BMPER: variants seen among roughly 807,000 people sequenced by gnomAD.
BMPER encodes the protein BMP binding endothelial regulator, also known as BMP-binding endothelial regulator protein.
Under a neutral mutation model 87.3 loss-of-function variants are expected in BMPER, and 45 were observed. The ratio of observed to expected loss-of-function variants is 0.52; its 90% CI spans 0.41 to 0.66. The LOEUF is 0.66. Among genes scored for constraint, BMPER ranks in the 30% least tolerant of loss-of-function variants. The pLI is 0.00. For synonymous variants in BMPER, 326 were observed against 316.2 expected (o/e 1.03, Z -0.33); for missense variants, 784 against 867.5 (o/e 0.90, Z 1.21).
chr7:33,968,887 A>C (rs1785468461), intron 4 of BMPER, among the ~76,000 whole-genome samples: 1 of 152,266 alleles, frequency 6.6e-6, no homozygotes. Flanking sequence ...GCTGGGAACT[A>C]ACCTGAATCC....
chr7:34,118,202 GGCTAA>G (rs889678737), intron 13 of BMPER, among the ~76,000 whole-genome samples: 2 of 152,062 alleles, frequency 1.3e-5, no homozygotes, highest in African/African-American at 4.8e-5. Flanking sequence ...CTACTCAGGA[GGCTAA>G]GGCAGGAGAA....
intron 13 of BMPER, among the ~76,000 whole-genome samples, chr7:34,133,945 C>A (rs151000963): frequency 4.9e-4 from 74 of 152,176 alleles, no homozygotes; most frequent in African/African-American, 1.7e-3. Flanking sequence ...CTCTCTTGTA[C>A]TTGAGATTCT....
intron 11 of BMPER, among the ~76,000 whole-genome samples, chr7:34,065,519 TGA>T (rs1585794808): frequency 6.6e-6 from 1 of 152,090 alleles, no homozygotes; most frequent in African/African-American, 2.4e-5. Flanking sequence ...ACAGCATGGG[TGA>T]ATGCAGACAT....
chr7:33,920,609 A>G (rs1784205246), intron 2 of BMPER, among the ~76,000 whole-genome samples: 2 of 151,764 alleles, frequency 1.3e-5, no homozygotes, highest in South Asian at 4.2e-4. Context: ...TATTTTTAGT[A>G]GAGATGGGGT....
At position 33,936,141 on chromosome 7, in the gene BMPER, A is replaced by G. The variant is rs187596433; in HGVS notation, c.220-1148A>G. The stretch of plus-strand genomic sequence containing the variant: ...CTTCTTAGTCTCATGACATGGAGGC[A>G]TACTGGGTACACTTGAGAATTTTCT... On this transcript the variant is annotated intron_variant, in intron 2 of 14. Coordinates refer to ENST00000649409, the MANE Select transcript of BMPER (RefSeq NM_001365308.1). 5.9e-3 allele frequency among the ~76,000 whole-genome samples: 896 copies of G among 152,292 alleles called. 8 individuals carry two copies. The highest frequency in any genetic ancestry group is 9.8e-3 in the Non-Finnish European group (669 of 68,026).
intron 3 of BMPER, among the ~76,000 whole-genome samples, chr7:33,945,128 A>G (rs144302910): frequency 0.018 from 2,731 of 151,812 alleles, 36 homozygotes; most frequent in Non-Finnish European, 0.029. Flanking sequence ...TTTTTAGTAG[A>G]GACAGGGTTT....
At chr7:34,093,373 G>A (rs1369153019) in intron 13 of BMPER, among the ~76,000 whole-genome samples, 1 of 152,116 alleles carries the variant, frequency 6.6e-6, no homozygotes, top group African/African-American at 2.4e-5. Context: ...AGCCCCTCTT[G>A]GAGGTGTAAT....
intron 6 of BMPER, among the ~76,000 whole-genome samples, chr7:33,983,757 G>T (rs182308255): frequency 7.2e-5 from 11 of 152,282 alleles, no homozygotes; most frequent in East Asian, 1.9e-4. Context: ...ATCTATAATT[G>T]TTGGTGGAGA....
Position 33,994,200 on chromosome 7 carries a change from T to C in BMPER, c.576+19416T>C, listed in dbSNP as rs1170041887. On this transcript the variant is annotated intron_variant, in intron 6 of 14. Coordinates refer to ENST00000649409, the MANE Select transcript of BMPER (RefSeq NM_001365308.1). Reference sequence around the variant, plus strand: ...TTACCTAAGCAAGCCTGGGCAATGGTGGGCGCCCCTCCCCCAGCCTCGCTG... The same window carrying C: ...TTACCTAAGCAAGCCTGGGCAATGGCGGGCGCCCCTCCCCCAGCCTCGCTG... 8.5e-5 allele frequency among the ~76,000 whole-genome samples: 13 copies of C among 152,314 alleles called. No individual in the cohort carries two copies. The East Asian group carries it at 1.5e-3, about 18-fold the overall frequency.
intron 6 of BMPER, among the ~76,000 whole-genome samples, chr7:33,977,017 C>G (rs1288021603): frequency 6.6e-6 from 1 of 152,156 alleles, no homozygotes; most frequent in Non-Finnish European, 1.5e-5. Context: ...GTGCCATCCT[C>G]AGCACTCAAA....
intron 6 of BMPER, among the ~76,000 whole-genome samples, chr7:34,018,857 G>A (rs1003816302): frequency 1.5e-4 from 23 of 152,116 alleles, no homozygotes; most frequent in Admixed American, 7.2e-4. Context: ...GAAAAAAAGT[G>A]TGGTTTATGT....
chr7:34,118,345 A>T (rs1174247726), intron 13 of BMPER, among the ~76,000 whole-genome samples: 1 of 152,190 alleles, frequency 6.6e-6, no homozygotes, highest in African/African-American at 2.4e-5. Flanking sequence ...TAGGGTCACA[A>T]GACGTAATTT....
chr7:33,921,622 C>G (rs757195529), intron 2 of BMPER, among the ~76,000 whole-genome samples: 1 of 152,150 alleles, frequency 6.6e-6, no homozygotes, highest in Non-Finnish European at 1.5e-5. Context: ...TCCTGCCTGG[C>G]GCCTTTGGGT....
At chr7:33,935,348 C>T (rs1044294105) in intron 2 of BMPER, among the ~76,000 whole-genome samples, 8 of 152,062 alleles carry the variant, frequency 5.3e-5, no homozygotes, top group African/African-American at 1.9e-4. Flanking sequence ...TGGTTCTCAA[C>T]CCTAGCTGAA....
At chr7:34,039,388 G>T (rs1410702180) in intron 6 of BMPER, among the ~76,000 whole-genome samples, 1 of 152,090 alleles carries the variant, frequency 6.6e-6, no homozygotes, top group East Asian at 1.9e-4. Context: ...AGGTGATTTT[G>T]TTTCCCAGGG....
At chr7:33,905,481 G>C, upstream of BMPER, 18 of 967,210 alleles carry the variant, frequency 1.9e-5, no homozygotes, top group South Asian at 9.4e-5. Flanking sequence ...CAGCTCTCGG[G>C]CGCCCGCCTC....
chr7:34,026,328 A>T (rs1019452450), intron 6 of BMPER, among the ~76,000 whole-genome samples: 1 of 152,096 alleles, frequency 6.6e-6, no homozygotes, highest in Admixed American at 6.6e-5. Flanking sequence ...CATCATTGTC[A>T]TGCATCACAG....
At chr7:33,957,776 TTAAAAA>T (rs1450044069) in intron 3 of BMPER, among the ~76,000 whole-genome samples, 2 of 152,168 alleles carry the variant, frequency 1.3e-5, no homozygotes, top group Non-Finnish European at 2.9e-5. Context: ...TATTTCAGAA[TTAAAAA>T]TAAAAGATAA....
At chr7:33,931,500 A>T (rs1296538182) in intron 2 of BMPER, among the ~76,000 whole-genome samples, 1 of 152,222 alleles carries the variant, frequency 6.6e-6, no homozygotes, top group Admixed American at 6.5e-5. Context: ...CTGAAGTATT[A>T]TTCTTCTGTT....
Sources: gnomAD v4.1 joint callset for allele counts (sites outside exome capture counted in the v4.1 genomes callset) on GRCh38, gnomAD v4.1.1 for gene constraint, MANE v1.5 for transcripts, NCBI Gene and HGNC (gene_info 2026-07-23, HGNC 2026-07-21) for gene names.